Variants in ZCWPW2 observed in about 807,000 individuals in gnomAD.
ZCWPW2 encodes the protein zinc finger CW-type and PWWP domain containing 2.
A neutral mutation model predicts 46.6 loss-of-function variants in ZCWPW2; 45 were observed. The ratio of observed to expected loss-of-function variants is 0.96; its 90% CI spans 0.76 to 1.24. The LOEUF (loss-of-function observed/expected upper bound fraction) is 1.24, where lower values mean the gene tolerates loss of function less well. Among genes scored for constraint, ZCWPW2 ranks in the 50% most tolerant of loss-of-function variants. The pLI is 0.00. For missense variants in ZCWPW2, 429 were observed against 403.9 expected (o/e 1.06, Z -0.53); for synonymous variants, 152 against 137.1 (o/e 1.11, Z -0.76).
intron 2 of ZCWPW2, among the ~76,000 whole-genome samples, chr3:28,402,657 A>G (rs1421673844): frequency 1.3e-5 from 2 of 152,230 alleles, no homozygotes; most frequent in East Asian, 3.8e-4. Flanking sequence ...ATCTTTAACA[A>G]AATACTAGCT....
chr3:28,373,056 C>T lies in ZCWPW2; in HGVS notation c.-133-17442C>T, dbSNP rs574760171. Among the ~76,000 whole-genome samples, 3 of 152,250 alleles carry T rather than the reference C, an allele frequency of 2.0e-5. No homozygotes were observed. The East Asian group carries it at 5.8e-4, about 29-fold the overall frequency. ...CCCCTACATTTTCTTTATCTATTCACCCATTGATAGACACTTAGGGTGATT... is the reference window on the plus strand; with the variant it reads ...CCCCTACATTTTCTTTATCTATTCATCCATTGATAGACACTTAGGGTGATT... On this transcript the variant is annotated intron_variant, in intron 1 of 9. Transcript: ENST00000383768.
chr3:28,373,901 C>T (rs1463357191), intron 1 of ZCWPW2, among the ~76,000 whole-genome samples: 3 of 152,016 alleles, frequency 2.0e-5, no homozygotes. Flanking sequence ...GTTATTAATC[C>T]CATCTCAGAT....
Position 28,413,403 on chromosome 3 carries a change from A to C in ZCWPW2, c.332+3A>C. On this transcript the variant is annotated splice_donor_region_variant and intron_variant, in intron 3 of 9. Coordinates refer to ENST00000383768, the MANE Select transcript of ZCWPW2 (RefSeq NM_001040432.4). ...GTAAAATTACAGAATTGGCCAAGGT[A>C]AGGTTTGTGTAGTTTTATGACTTTT... The C allele has an allele frequency of 6.2e-7, 1 of 1,601,314 alleles. No homozygotes were observed.
chr3:28,505,132 A>C (rs1700242861), intron 6 of ZCWPW2, among the ~76,000 whole-genome samples: 1 of 152,156 alleles, frequency 6.6e-6, no homozygotes, highest in Admixed American at 6.6e-5. Flanking sequence ...CTGGTGATCA[A>C]CTGCTATTTT....
chr3:28,387,022 G>C (rs530768786), intron 1 of ZCWPW2, among the ~76,000 whole-genome samples: 3 of 152,242 alleles, frequency 2.0e-5, no homozygotes, highest in Admixed American at 1.3e-4. Context: ...ACTACCGAAG[G>C]TCCTGTTTTC....
intron 4 of ZCWPW2, among the ~76,000 whole-genome samples, chr3:28,448,541 T>C (rs1183512938): frequency 1.3e-5 from 2 of 151,772 alleles, no homozygotes; most frequent in African/African-American, 4.8e-5. Context: ...TCCCAGCATT[T>C]TGGGAGGCTG....
intron 4 of ZCWPW2, among the ~76,000 whole-genome samples, chr3:28,450,326 A>G (rs1442601888): frequency 6.6e-6 from 1 of 152,210 alleles, no homozygotes; most frequent in Non-Finnish European, 1.5e-5. Flanking sequence ...ATAAGCTTAC[A>G]TGTCTAACCC....
intron 4 of ZCWPW2, among the ~76,000 whole-genome samples, chr3:28,474,620 T>TGTGTGTGTGCGCGC (rs777191108): frequency 4.9e-5 from 6 of 121,630 alleles, no homozygotes; most frequent in Non-Finnish European, 9.3e-5. Flanking sequence ...TGTGTGTGTG[T>TGTGTGTGTGCGCGC]GCGCGCGCGC....
chr3:28,359,430 T>A (rs1345750856), intron 1 of ZCWPW2, among the ~76,000 whole-genome samples: 1 of 152,088 alleles, frequency 6.6e-6, no homozygotes, highest in Non-Finnish European at 1.5e-5. Flanking sequence ...GATTTTCTAG[T>A]AGAGCTAACT....
chr3:28,483,568 G>A (rs1699501690), intron 5 of ZCWPW2, among the ~76,000 whole-genome samples: 1 of 152,158 alleles, frequency 6.6e-6, no homozygotes, highest in Admixed American at 6.5e-5. Context: ...TATATATCAA[G>A]TTGGGAAGAA....
intron 6 of ZCWPW2, among the ~76,000 whole-genome samples, chr3:28,495,443 T>C (rs1269236369): frequency 6.6e-6 from 1 of 152,094 alleles, no homozygotes; most frequent in African/African-American, 2.4e-5. Context: ...GTAACTAGTG[T>C]TTCTATATAT....
chr3:28,437,401 G>C (rs992469502), intron 4 of ZCWPW2, among the ~76,000 whole-genome samples: 1 of 152,116 alleles, frequency 6.6e-6, no homozygotes. Flanking sequence ...CATATGTGAA[G>C]GTGGTATAGA....
At chr3:28,452,427 C>T (rs1698261881) in intron 4 of ZCWPW2, among the ~76,000 whole-genome samples, 1 of 152,102 alleles carries the variant, frequency 6.6e-6, no homozygotes, top group South Asian at 2.1e-4. Context: ...TCCGGAGTAG[C>T]AGGGATTACA....
intron 4 of ZCWPW2, among the ~76,000 whole-genome samples, chr3:28,469,396 C>G (rs1698951686): frequency 6.6e-6 from 1 of 152,018 alleles, no homozygotes; most frequent in African/African-American, 2.4e-5. Context: ...TGTAAATGGA[C>G]TGAACTCTCC....
At position 28,348,764 on chromosome 3, in the gene ZCWPW2, C is replaced by G. The variant is rs1443137844; in HGVS notation, c.-573C>G. 1.1e-5 allele frequency: 2 copies of G among 174,132 alleles called. No homozygotes were observed. Among genetic ancestry groups the G allele is most frequent in the East Asian group, 3.8e-4 (2 of 5,228 alleles). 10.8% of individuals were successfully genotyped at this position (174,132 alleles called of 1,614,324 possible). On this transcript the variant is annotated 5_prime_UTR_variant, in exon 1 of 10. Transcript: ENST00000383768. ...ACAGCGAAGGGAGCTGCTCCGGGCACGTCGCGGAGGGAGTCCCATTTCTTC... is the reference window on the plus strand; with the variant it reads ...ACAGCGAAGGGAGCTGCTCCGGGCAGGTCGCGGAGGGAGTCCCATTTCTTC...
chr3:28,496,323 A>G (rs1204518424), intron 6 of ZCWPW2, among the ~76,000 whole-genome samples: 2 of 152,098 alleles, frequency 1.3e-5, no homozygotes, highest in Non-Finnish European at 2.9e-5. Context: ...TTTTAAAAAT[A>G]AACATTTAGA....
At chr3:28,397,539 A>T (rs1011208898) in intron 2 of ZCWPW2, among the ~76,000 whole-genome samples, 5 of 152,090 alleles carry the variant, frequency 3.3e-5, no homozygotes, top group Non-Finnish European at 7.4e-5. Flanking sequence ...GCTTGGTGGC[A>T]AGCACCTGTA....
chr3:28,357,165 C>A (rs1704768845), intron 1 of ZCWPW2, among the ~76,000 whole-genome samples: 1 of 151,944 alleles, frequency 6.6e-6, no homozygotes, highest in East Asian at 1.9e-4. Context: ...ACCAGGAAGA[C>A]AAAGCAATTA....
chr3:28,421,205 A>T (rs1696771157), intron 3 of ZCWPW2, among the ~76,000 whole-genome samples: 1 of 152,032 alleles, frequency 6.6e-6, no homozygotes, highest in South Asian at 2.1e-4. Flanking sequence ...CAGAGGTGAG[A>T]GTTCAAGCTC....
Sources: allele counts gnomAD v4.1 joint callset (sites outside exome capture counted in the v4.1 genomes callset), GRCh38; gene constraint gnomAD v4.1.1; transcripts MANE v1.5; gene names NCBI Gene and HGNC (gene_info 2026-07-23, HGNC 2026-07-21).